Variants in DDX60L observed in about 807,000 individuals in gnomAD.
DDX60L encodes the protein DExD/H-box 60 like.
Under a neutral mutation model 211.6 loss-of-function variants are expected in DDX60L, and 191 were observed. The ratio of observed to expected loss-of-function variants is 0.90; its 90% confidence interval spans 0.80 to 1.02. DDX60L has a LOEUF of 1.02. Ranked by LOEUF, DDX60L falls within the 50% of genes least tolerant of loss-of-function variation. DDX60L has a pLI of 0.00. For synonymous variants in DDX60L, 706 were observed against 694.1 expected (o/e 1.02, Z -0.27); for missense variants, 2,007 against 1,984.1 (o/e 1.01, Z -0.22).
chr4:168,429,849 T>G (rs1474858275), intron 13 of DDX60L, among the ~76,000 whole-genome samples: 1 of 152,172 alleles, frequency 6.6e-6, no homozygotes, highest in Non-Finnish European at 1.5e-5. Flanking sequence ...CAACACTTCC[T>G]CCTACTCCAG....
Position 168,391,597 on chromosome 4 carries a change from G to T in DDX60L, c.3858C>A (p.Cys1286Ter). Residue 1286 changes from cysteine (C) to a stop codon, truncating the protein, a stop_gained, in exon 29 of 38, where the codon TGC becomes TGA. Coordinates refer to ENST00000682922, the MANE Select transcript of DDX60L (RefSeq NM_001012967.3). LOFTEE classifies it high-confidence loss of function. ...AGTCTTGGGCAAAAACAACAGATTTGCATGGCATGTGGATCCCTAAGGCAA... is the reference window on the plus strand; with the variant it reads ...AGTCTTGGGCAAAAACAACAGATTTTCATGGCATGTGGATCCCTAAGGCAA... ...ETLALGIHMP[C>*]KSVVFAQDSV... 6.2e-7 allele frequency: 1 copy of T among 1,604,938 alleles called. No homozygotes were observed.
chr4:168,470,818 CA>C, intron 4 of DDX60L: 1 of 245,160 alleles, frequency 4.1e-6, no homozygotes, highest in Non-Finnish European at 8.2e-6. Flanking sequence ...TCAGCCTGTG[CA>C]AAAAGAGCGA....
intron 33 of DDX60L, 50 bp from the exon 34 acceptor site, chr4:168,375,574 A>G (rs1741812600): frequency 1.3e-6 from 2 of 1,493,162 alleles, no homozygotes; most frequent in East Asian, 4.9e-5. Context: ...TATTTAAAAA[A>G]TTAAACTGCT....
chr4:168,379,257 C>A, intron 32 of DDX60L, 106 bp downstream of exon 32: 1 of 1,048,196 alleles, frequency 9.5e-7, no homozygotes. Flanking sequence ...TATTTATTTG[C>A]TTTAATAAAT....
chr4:168,405,961 G>T lies in DDX60L; in HGVS notation c.3202C>A (p.Gln1068Lys). The T allele has an allele frequency of 6.4e-7, 1 of 1,569,954 alleles. No individual in the cohort carries two copies. Among genetic ancestry groups the T allele is most frequent in the East Asian group, 2.4e-5 (1 of 42,522 alleles). Residue 1068 changes from glutamine (Q) to lysine (K), a missense_variant, in exon 24 of 38, where the codon CAA becomes AAA. Gln to Lys is a moderately conservative substitution (Grantham distance 53). Coordinates refer to ENST00000682922, the MANE Select transcript of DDX60L (RefSeq NM_001012967.3). ...AELTNWIKNG[Q>K]VKKVKRVLKN... The stretch of plus-strand genomic sequence containing the variant: ...AGTGTGAAAATTACCTTCTTCACTT[G>T]GCCATTTTTAATCCAATTTGTCAAT...
chr4:168,410,385 G>A (rs1451905555), intron 22 of DDX60L, among the ~76,000 whole-genome samples: 1 of 152,100 alleles, frequency 6.6e-6, no homozygotes, highest in Admixed American at 6.6e-5. Flanking sequence ...AACCCTTTAG[G>A]TAAGCTACAT....
intron 10 of DDX60L, among the ~76,000 whole-genome samples, chr4:168,434,756 T>C (rs1198156704): frequency 6.6e-6 from 1 of 152,222 alleles, no homozygotes; most frequent in African/African-American, 2.4e-5. Context: ...AAATTCTAAA[T>C]TGATCTGTAC....
intron 28 of DDX60L, among the ~76,000 whole-genome samples, chr4:168,393,821 A>G (rs550353633): frequency 5.9e-5 from 9 of 152,348 alleles, no homozygotes; most frequent in Admixed American, 3.3e-4. Context: ...ATAGTCATTT[A>G]TACTAAATGT....
chr4:168,384,730 C>T lies in DDX60L; in HGVS notation c.3998G>A (p.Arg1333Lys). 1 of 1,613,810 alleles carries T rather than the reference C, an allele frequency of 6.2e-7. No individual in the cohort carries two copies. The highest frequency in any genetic ancestry group is 8.5e-7 in the Non-Finnish European group (1 of 1,179,898). The change falls in exon 30 of 38, where the codon AGA (arginine) becomes AAA (lysine). Residue 1333 changes from arginine to lysine, a missense_variant. Transcript: ENST00000682922. ...FFDIPLPKIK[R>K]LLASSVPELR... is the part of the protein sequence containing the mutation. ...CTCAGGAACACTGGATGCAAGGAGTCTTTTTATTTTGGGCAATGGGATATC... is the reference window on the plus strand; with the variant it reads ...CTCAGGAACACTGGATGCAAGGAGTTTTTTTATTTTGGGCAATGGGATATC...
intron 22 of DDX60L, among the ~76,000 whole-genome samples, chr4:168,410,077 CA>C (rs1182454722): frequency 6.6e-6 from 1 of 151,852 alleles, no homozygotes; most frequent in East Asian, 1.9e-4. Flanking sequence ...TAAGGTAATC[CA>C]GGGGTGAAAA....
intron 26 of DDX60L, among the ~76,000 whole-genome samples, chr4:168,396,891 C>T (rs1396350198): frequency 1.3e-5 from 2 of 152,124 alleles, no homozygotes; most frequent in Non-Finnish European, 2.9e-5. Context: ...GAAGTTGTTT[C>T]AATATTGTTA....
intron 37 of DDX60L, among the ~76,000 whole-genome samples, chr4:168,359,159 C>T (rs1475797221): frequency 6.6e-6 from 1 of 152,154 alleles, no homozygotes; most frequent in Non-Finnish European, 1.5e-5. Context: ...CGTTTTCATG[C>T]TCCACCTTAT....
At chr4:168,411,010 C>A (rs1218300231) in intron 22 of DDX60L, among the ~76,000 whole-genome samples, 1 of 152,236 alleles carries the variant, frequency 6.6e-6, no homozygotes, top group African/African-American at 2.4e-5. Context: ...TCCATTACTT[C>A]CTCTCCAGTT....
rs1004729097 is a variant in DDX60L at position 168,448,510 on chromosome 4, G to A, written c.1138+128C>T. On this transcript the variant is annotated intron_variant, in intron 9 of 37. Transcript: ENST00000682922. Reference sequence around the variant, plus strand: ...ATTAAGTGAAGAAAAAATAAAATACGTAAAAAGTATGTACACACACAAAGG... The same window carrying A: ...ATTAAGTGAAGAAAAAATAAAATACATAAAAAGTATGTACACACACAAAGG... The A allele has an allele frequency of 1.1e-4, 70 of 609,738 alleles. No individual in the cohort carries two copies. In the East Asian group the frequency reaches 1.3e-3, roughly 12 times the overall value. 37.8% of individuals were successfully genotyped at this position (609,738 alleles called of 1,614,324 possible). A position where few individuals can be genotyped will look rare whatever the true frequency, so the allele number is the denominator to read the frequency against.
intron 36 of DDX60L, among the ~76,000 whole-genome samples, chr4:168,368,287 A>G (rs966568784): frequency 8.5e-5 from 13 of 152,218 alleles, no homozygotes; most frequent in Non-Finnish European, 1.8e-4. Context: ...GCCATGGCTG[A>G]AAAAGGCTAA....
At chr4:168,450,083 A>G (rs920301975) in intron 8 of DDX60L, among the ~76,000 whole-genome samples, 1 of 152,150 alleles carries the variant, frequency 6.6e-6, no homozygotes, top group Non-Finnish European at 1.5e-5. Context: ...AGGACTAACA[A>G]ATTAGTCAAA....
chr4:168,378,407 T>C lies in DDX60L; in HGVS notation c.4432A>G (p.Lys1478Glu), dbSNP rs770417938. Residue 1478 changes from lysine to glutamate, a missense_variant, in exon 33 of 38, where the codon AAA becomes GAA. Lys to Glu is a moderately conservative substitution (Grantham distance 56). Coordinates refer to ENST00000682922, the MANE Select transcript of DDX60L (RefSeq NM_001012967.3). ...TTTTGGAATTTTGCTGGAATATATT[T>C]TCTTCCAAACAAATTTGCCAATACT... ...VLVLANLFGRKYIPAKFQNAN... is the reference protein window; with the variant it reads ...VLVLANLFGREYIPAKFQNAN... 1.3e-6 allele frequency: 2 copies of C among 1,543,884 alleles called. No homozygotes were observed. The highest frequency in any genetic ancestry group is 2.4e-5 in the South Asian group (2 of 84,102).
chr4:168,398,543 C>T (rs1560987973), intron 26 of DDX60L, among the ~76,000 whole-genome samples: 1 of 152,162 alleles, frequency 6.6e-6, no homozygotes, highest in Non-Finnish European at 1.5e-5. Flanking sequence ...TGGTGAAGTC[C>T]CACCTTCAAG....
chr4:168,419,876 A>C (rs192929063), intron 18 of DDX60L, among the ~76,000 whole-genome samples: 6 of 152,304 alleles, frequency 3.9e-5, no homozygotes, highest in African/African-American at 1.4e-4. Flanking sequence ...ATAATCTTCT[A>C]TTTGAAATTT....
Sources: allele counts gnomAD v4.1 joint callset (sites outside exome capture counted in the v4.1 genomes callset), GRCh38; gene constraint gnomAD v4.1.1; transcripts MANE v1.5; gene names NCBI Gene and HGNC (gene_info 2026-07-23, HGNC 2026-07-21).